Variants in USP48 observed in about 807,000 individuals in gnomAD.
The protein encoded by USP48 is ubiquitin carboxyl-terminal hydrolase 48.
A neutral mutation model predicts 150.7 loss-of-function variants in USP48; 43 were observed. That is an observed-to-expected ratio of 0.29 (90% CI 0.22 to 0.37). The LOEUF (loss-of-function observed/expected upper bound fraction) is 0.37, where lower values mean the gene tolerates loss of function less well. USP48 is among the 10% of genes least tolerant of loss of function. USP48 has a pLI of 1.00. For missense variants in USP48, 813 were observed against 1,249.6 expected, an observed-to-expected ratio of 0.65 and a Z score of 5.27; for synonymous variants, 396 against 425.9, an observed-to-expected ratio of 0.93 and a Z score of 0.86.
At chr1:21,717,160 T>C (rs1156809572) in intron 14 of USP48, among the ~76,000 whole-genome samples, 1 of 152,172 alleles carries the variant, frequency 6.6e-6, no homozygotes, top group Non-Finnish European at 1.5e-5. Flanking sequence ...CCCAGCACTT[T>C]GAGAAGACAA....
chr1:21,682,281 T>C (rs1334302144), intron 25 of USP48, among the ~76,000 whole-genome samples: 2 of 152,258 alleles, frequency 1.3e-5, no homozygotes, highest in Admixed American at 6.5e-5. Flanking sequence ...TCCTGTGAAT[T>C]TGACTGGCTT....
intron 1 of USP48, among the ~76,000 whole-genome samples, chr1:21,771,396 A>T (rs1215995373): frequency 6.7e-6 from 1 of 149,032 alleles, no homozygotes; most frequent in Non-Finnish European, 1.5e-5. Context: ...ATTATTATTA[A>T]TTATTAATAA....
chr1:21,775,085 T>C (rs1045308777), intron 1 of USP48, among the ~76,000 whole-genome samples: 1 of 152,084 alleles, frequency 6.6e-6, no homozygotes, highest in African/African-American at 2.4e-5. Context: ...AAGTATGTAT[T>C]GTGACTCCCC....
chr1:21,736,667 G>A, intron 8 of USP48, 42 bp from the exon 9 acceptor site: 1 of 1,362,980 alleles, frequency 7.3e-7, no homozygotes, highest in Non-Finnish European at 9.6e-7. Context: ...TTGGATAACA[G>A]TTATTTCTTA....
At chr1:21,732,428 G>A (rs867226519) in intron 9 of USP48, among the ~76,000 whole-genome samples, 10 of 152,034 alleles carry the variant, frequency 6.6e-5, no homozygotes, top group Admixed American at 3.9e-4. Context: ...TGACTCCCAC[G>A]TCACAAAAGA....
chr1:21,679,986 G>A (rs1367697826), intron 26 of USP48, among the ~76,000 whole-genome samples: 1 of 152,118 alleles, frequency 6.6e-6, no homozygotes, highest in African/African-American at 2.4e-5. Context: ...GAGCCACCAT[G>A]CCCGGCCAAT....
rs1453734587 is a variant in USP48, at chr1:21,728,730, C to A, written c.1301-11G>T. The A allele has an allele frequency of 6.2e-7, 1 of 1,611,780 alleles. No homozygotes were observed. The highest frequency in any genetic ancestry group is 8.5e-7 in the Non-Finnish European group (1 of 1,179,390). On this transcript the variant is annotated splice_polypyrimidine_tract_variant and intron_variant, in intron 10 of 26. Transcript: ENST00000308271. Reference sequence around the variant, plus strand: ...GCTCTTGAAGAAAGGCTATTCAAAACAGAAAGACAAAAAACAACTTTATTC... The same window carrying A: ...GCTCTTGAAGAAAGGCTATTCAAAAAAGAAAGACAAAAAACAACTTTATTC...
intron 8 of USP48, among the ~76,000 whole-genome samples, chr1:21,738,998 G>A (rs776367236): frequency 2.9e-4 from 44 of 152,180 alleles, no homozygotes; most frequent in Non-Finnish European, 5.6e-4. Context: ...TAAATGCATT[G>A]TCAAGAAAAT....
At chr1:21,751,187 T>C (rs1166805308) in intron 6 of USP48, among the ~76,000 whole-genome samples, 1 of 152,198 alleles carries the variant, frequency 6.6e-6, no homozygotes, top group Non-Finnish European at 1.5e-5. Context: ...CTCGTTTTCA[T>C]TAGACAACAA....
chr1:21,680,766 G>T, intron 26 of USP48, 42 bp downstream of exon 26: 1 of 1,551,088 alleles, frequency 6.4e-7, no homozygotes, highest in South Asian at 1.2e-5. Context: ...ATTACAGGAT[G>T]ACTCTGACAT....
intron 14 of USP48, among the ~76,000 whole-genome samples, chr1:21,716,642 TTTC>T (rs2097705152): frequency 6.6e-6 from 1 of 152,246 alleles, no homozygotes; most frequent in Non-Finnish European, 1.5e-5. Flanking sequence ...AGTATCTGCT[TTTC>T]TTACTTTTTT....
At chr1:21,730,379 T>G (rs1428675431) in intron 9 of USP48, among the ~76,000 whole-genome samples, 1 of 150,766 alleles carries the variant, frequency 6.6e-6, no homozygotes, top group Non-Finnish European at 1.5e-5. Context: ...GAGGCAGAGG[T>G]TGCAGTGAGC....
intron 19 of USP48, chr1:21,704,729 T>C (rs1292166168): frequency 5.7e-6 from 1 of 176,814 alleles, no homozygotes; most frequent in Non-Finnish European, 1.2e-5. Context: ...GTGCATTTTT[T>C]TTTTTTACAG....
chr1:21,762,594 G>A (rs750461124), intron 1 of USP48, among the ~76,000 whole-genome samples: 3 of 152,124 alleles, frequency 2.0e-5, no homozygotes, highest in Non-Finnish European at 4.4e-5. Flanking sequence ...CGGGCCGGGC[G>A]CGGTGGCTCA....
At chr1:21,731,098 ATTTGT>A (rs1453176703) in intron 9 of USP48, among the ~76,000 whole-genome samples, 1 of 152,052 alleles carries the variant, frequency 6.6e-6, no homozygotes, top group East Asian at 1.9e-4. Flanking sequence ...GTACACAAGT[ATTTGT>A]TTTAATGTTG....
chr1:21,724,113 G>A lies in USP48; in HGVS notation c.1451-18C>T, dbSNP rs150147818. On this transcript the variant is annotated intron_variant, in intron 11 of 26. Transcript: ENST00000308271. Reference sequence around the variant, plus strand: ...ATAGGGCTCTGAGAAAGCAAGCATCGGAAAGAGCCTATGTATTTTTACAGT... The same window carrying A: ...ATAGGGCTCTGAGAAAGCAAGCATCAGAAAGAGCCTATGTATTTTTACAGT... The A allele has an allele frequency of 2.7e-5, 43 of 1,612,026 alleles. No homozygotes were observed. The Middle Eastern group carries it at 8.3e-4, about 31-fold the overall frequency.
chr1:21,679,567 G>A lies in USP48; in HGVS notation c.3086-128C>T, dbSNP rs1216912244. On this transcript the variant is annotated intron_variant, in intron 26 of 26. Coordinates refer to ENST00000308271, the MANE Select transcript of USP48 (RefSeq NM_032236.8). ...TAATAAATGAACACAGTCGCACCTT[G>A]GTGTGGGAGGATAAGACAAAATACC... 22 of 1,154,304 alleles carry A rather than the reference G, an allele frequency of 1.9e-5. No homozygotes were observed. In the South Asian group the frequency reaches 2.8e-4, roughly 15 times the overall value. 71.5% of individuals were successfully genotyped at this position (1,154,304 alleles called of 1,614,324 possible). A position where few individuals can be genotyped will look rare whatever the true frequency, so the allele number is the denominator to read the frequency against.
At chr1:21,722,764 G>C (rs1222314836) in intron 12 of USP48, among the ~76,000 whole-genome samples, 1 of 152,074 alleles carries the variant, frequency 6.6e-6, no homozygotes, top group Non-Finnish European at 1.5e-5. Flanking sequence ...AGCCTGAGGA[G>C]GTTGAAGCTG....
intron 22 of USP48, among the ~76,000 whole-genome samples, chr1:21,698,041 G>A (rs528123456): frequency 3.5e-4 from 53 of 152,188 alleles, no homozygotes; most frequent in African/African-American, 1.3e-3. Flanking sequence ...GAGAAAAGAG[G>A]AAAAGGGATT....
Sources: gnomAD v4.1 joint callset for allele counts (sites outside exome capture counted in the v4.1 genomes callset) on GRCh38, gnomAD v4.1.1 for gene constraint, MANE v1.5 for transcripts, NCBI Gene and HGNC (gene_info 2026-07-23, HGNC 2026-07-21) for gene names.